The following RBFOX1 variants were observed in gnomAD, a reference collection of about 807,000 sequenced individuals.
RBFOX1 encodes the protein RNA binding fox-1 homolog 1.
RBFOX1 carries 8 observed loss-of-function variants against 57.7 expected under a neutral mutation model. That is an observed-to-expected ratio of 0.14 (90% CI 0.08 to 0.25). The LOEUF (loss-of-function observed/expected upper bound fraction) is 0.25. Among genes scored for constraint, RBFOX1 ranks in the 10% least tolerant of loss-of-function variants. The pLI, the probability that RBFOX1 is intolerant of heterozygous loss-of-function variation, is 1.00. For synonymous variants in RBFOX1, 326 were observed against 222.4 expected, an observed-to-expected ratio of 1.47 and a Z score of -4.15; for missense variants, 611 against 548.5, an observed-to-expected ratio of 1.11 and a Z score of -1.14.
At chr16:7,180,784 G>A (rs2082546474) in intron 4 of RBFOX1, among the ~76,000 whole-genome samples, 1 of 151,532 alleles carries the variant, frequency 6.6e-6, no homozygotes, top group Admixed American at 6.6e-5. Context: ...ATTACCACAG[G>A]GAAAGTTTAT....
chr16:7,031,281 G>A (rs987132032), intron 3 of RBFOX1, among the ~76,000 whole-genome samples: 5 of 152,108 alleles, frequency 3.3e-5, no homozygotes, highest in East Asian at 1.9e-4. Context: ...TTTAACCTTT[G>A]TGACTACACT....
intron 9 of RBFOX1, 148 bp from the exon 10 acceptor site, chr16:7,607,137 G>A (rs1289936536): frequency 3.3e-6 from 2 of 605,972 alleles, no homozygotes; most frequent in Non-Finnish European, 5.5e-6. Context: ...TGGTTTTTAA[G>A]TATTTTTATG....
chr16:7,690,036 A>G (rs56370418), intron 14 of RBFOX1, among the ~76,000 whole-genome samples: 1,530 of 152,174 alleles, frequency 0.01, 19 homozygotes, highest in African/African-American at 0.035. Context: ...TCAGTGATTC[A>G]ACTCCCTTGA....
intron 4 of RBFOX1, among the ~76,000 whole-genome samples, chr16:7,361,212 A>C (rs2097313337): frequency 1.3e-5 from 2 of 152,048 alleles, no homozygotes; most frequent in Non-Finnish European, 2.9e-5. Context: ...GTTTCGTTTT[A>C]TGCAGGTTCT....
At position 7,347,943 on chromosome 16, in the gene RBFOX1, T is replaced by A. The variant is rs148214617; in HGVS notation, c.28-170204T>A. ...TGTGGCTGACACTCATTCATGCTAG[T>A]GCCTTCCATGCAGAGCTGTCTGTTT... On this transcript the variant is annotated intron_variant, in intron 4 of 15. Coordinates refer to ENST00000550418, the MANE Select transcript of RBFOX1 (RefSeq NM_018723.4). Among the ~76,000 whole-genome samples, 485 of 152,306 alleles carry A rather than the reference T, an allele frequency of 3.2e-3. 6 individuals are homozygous for A. The highest frequency in any genetic ancestry group is 2.3e-3 in the East Asian group (12 of 5,178).
rs185012511 is a variant in RBFOX1 at position 7,564,321 on chromosome 16, C to T, written c.271-15456C>T. On this transcript the variant is annotated intron_variant, in intron 5 of 15. Coordinates refer to ENST00000550418, the MANE Select transcript of RBFOX1 (RefSeq NM_018723.4). ...TTGGGACGCAGAGGTGGGTAGATCG[C>T]GAGGTCAGGAGTTCAAGACCAGAGT... Among the ~76,000 whole-genome samples the T allele has an allele frequency of 2.0e-3, 304 of 151,776 alleles. 2 individuals are homozygous for T. Among genetic ancestry groups the T allele is most frequent in the Admixed American group, 3.3e-3 (51 of 15,256 alleles).
chr16:6,073,615 G>A lies in RBFOX1; in HGVS notation c.-127+53623G>A, dbSNP rs530833861. Among the ~76,000 whole-genome samples, 14 of 152,132 alleles carry A rather than the reference G, an allele frequency of 9.2e-5. No individual in the cohort carries two copies. The East Asian group carries it at 2.7e-3, about 29-fold the overall frequency. On this transcript the variant is annotated intron_variant, in intron 1 of 15. Transcript: ENST00000550418. ...TTTGGAAGTAAAATGACAAATTTTT[G>A]GTGCACAAACATGTTAAAGGCTATT... is the stretch of plus-strand genomic sequence containing the variant.
At chr16:6,573,674 C>T (rs1012098620) in intron 2 of RBFOX1, 1 of 152,252 alleles carries the variant, frequency 6.6e-6, no homozygotes, top group Non-Finnish European at 1.5e-5. Context: ...CTGCTGTCTG[C>T]TGTGTGACAT....
chr16:7,517,008 A>T lies in RBFOX1; in HGVS notation c.28-1139A>T, dbSNP rs75102998. Reference sequence around the variant, plus strand: ...CAAAGTCACATCTAATTGACCACAGACAATAGGAGAGGCAGCTATTTGGTG... The same window carrying T: ...CAAAGTCACATCTAATTGACCACAGTCAATAGGAGAGGCAGCTATTTGGTG... On this transcript the variant is annotated intron_variant, in intron 4 of 15. Coordinates refer to ENST00000550418, the MANE Select transcript of RBFOX1 (RefSeq NM_018723.4). Among the ~76,000 whole-genome samples, 469 of 152,262 alleles carry T rather than the reference A, an allele frequency of 3.1e-3. 3 individuals carry two copies. Among genetic ancestry groups the T allele is most frequent in the Non-Finnish European group, 5.4e-3 (370 of 68,026 alleles).
chr16:7,047,834 C>T (rs916281830), intron 3 of RBFOX1, among the ~76,000 whole-genome samples: 2 of 142,462 alleles, frequency 1.4e-5, no homozygotes, highest in Non-Finnish European at 3.0e-5. Flanking sequence ...TGTCTTCATT[C>T]TGTGTTTGGA....
At chr16:7,197,615 A>G (rs1176653797) in intron 4 of RBFOX1, among the ~76,000 whole-genome samples, 1 of 152,202 alleles carries the variant, frequency 6.6e-6, no homozygotes, top group African/African-American at 2.4e-5. Context: ...TCAAACAAAA[A>G]TGTGTACAGA....
chr16:6,915,456 A>G (rs1273189384), intron 3 of RBFOX1, among the ~76,000 whole-genome samples: 3 of 152,164 alleles, frequency 2.0e-5, no homozygotes, highest in African/African-American at 4.8e-5. Context: ...TAACTTTTCA[A>G]AAATTATTCC....
At chr16:6,799,110 G>A (rs1478416254) in intron 3 of RBFOX1, among the ~76,000 whole-genome samples, 2 of 152,094 alleles carry the variant, frequency 1.3e-5, no homozygotes, top group African/African-American at 4.8e-5. Flanking sequence ...ACTAGCTGAT[G>A]CAGGTGAATC....
chr16:6,669,559 A>G (rs187367650), intron 3 of RBFOX1, among the ~76,000 whole-genome samples: 4 of 152,282 alleles, frequency 2.6e-5, no homozygotes, highest in East Asian at 1.9e-4. Flanking sequence ...TTTGATTTTC[A>G]TATACATTAT....
intron 2 of RBFOX1, among the ~76,000 whole-genome samples, chr16:5,571,161 C>G (rs1181003182): frequency 6.6e-6 from 1 of 150,826 alleles, no homozygotes; most frequent in Non-Finnish European, 1.5e-5. Flanking sequence ...GAGACAGAAA[C>G]CTTGTAACTC....
At chr16:7,088,213 A>T (rs1165085103) in intron 4 of RBFOX1, among the ~76,000 whole-genome samples, 1 of 152,234 alleles carries the variant, frequency 6.6e-6, no homozygotes, top group Non-Finnish European at 1.5e-5. Flanking sequence ...AAAAAGGTCT[A>T]GGGAAGTCGG....
intron 4 of RBFOX1, among the ~76,000 whole-genome samples, chr16:7,156,242 A>G (rs2077099395): frequency 6.7e-6 from 1 of 149,844 alleles, no homozygotes; most frequent in Non-Finnish European, 1.5e-5. Flanking sequence ...ACACACACAT[A>G]TATATGTATA....
At chr16:5,463,027 A>G (rs1182104499) in intron 1 of RBFOX1, among the ~76,000 whole-genome samples, 1 of 152,220 alleles carries the variant, frequency 6.6e-6, no homozygotes, top group African/African-American at 2.4e-5. Context: ...TCCTTGGTCC[A>G]TTTTTAAAAA....
intron 5 of RBFOX1, among the ~76,000 whole-genome samples, chr16:7,530,795 C>T (rs764295711): frequency 6.6e-6 from 1 of 152,204 alleles, no homozygotes; most frequent in Non-Finnish European, 1.5e-5. Flanking sequence ...CTGGTAGAAA[C>T]ATAACCAGAC....
Sources: gnomAD v4.1 joint callset for allele counts (sites outside exome capture counted in the v4.1 genomes callset) on GRCh38, gnomAD v4.1.1 for gene constraint, MANE v1.5 for transcripts, NCBI Gene and HGNC (gene_info 2026-07-23, HGNC 2026-07-21) for gene names.